DLC1: variants seen among roughly 807,000 people sequenced by gnomAD.
DLC1 encodes the protein DLC1 Rho GTPase activating protein.
A neutral mutation model predicts 140.3 loss-of-function variants in DLC1; 54 were observed. That is an observed-to-expected ratio of 0.38 (90% confidence interval 0.31 to 0.48). The LOEUF is 0.48. Among genes scored for constraint, DLC1 ranks in the 20% least tolerant of loss-of-function variants. DLC1 has a pLI of 0.96. For missense variants in DLC1, 2,536 were observed against 1,907.0 expected, an observed-to-expected ratio of 1.33 and a Z score of -6.14; for synonymous variants, 986 against 728.1, an observed-to-expected ratio of 1.35 and a Z score of -5.70.
intron 5 of DLC1, among the ~76,000 whole-genome samples, chr8:13,221,763 AATATTAAT>A (rs1344165886): frequency 6.9e-6 from 1 of 144,280 alleles, no homozygotes; most frequent in African/African-American, 2.5e-5. Flanking sequence ...CATTATATAT[AATATTAAT>A]ATATTAATAT....
chr8:13,518,595 G>GT (rs1218167625), upstream of DLC1, among the ~76,000 whole-genome samples: 1 of 152,104 alleles, frequency 6.6e-6, no homozygotes, highest in Non-Finnish European at 1.5e-5. Flanking sequence ...TGAAAATAGT[G>GT]TTTTACTCTT....
intron 7 of DLC1, among the ~76,000 whole-genome samples, chr8:13,107,611 G>A (rs941468673): frequency 2.0e-5 from 3 of 152,196 alleles, no homozygotes; most frequent in African/African-American, 7.2e-5. Flanking sequence ...CTGGAGCTTC[G>A]TTATTTGCTG....
chr8:13,475,049 G>T lies in DLC1; in HGVS notation c.1023+24000C>A, dbSNP rs905383181. 2.2e-4 allele frequency among the ~76,000 whole-genome samples: 34 copies of T among 151,912 alleles called. 1 individual carries two copies. The highest frequency in any genetic ancestry group is 8.0e-4 in the African/African-American group (33 of 41,214). The stretch of plus-strand genomic sequence containing the variant: ...GCTGGTCTTGAACTCCTGGACTCAA[G>T]TGATCCATCCACTTCAGCCTCCCTA... On this transcript the variant is annotated intron_variant, in intron 2 of 17. Transcript: ENST00000276297.
chr8:13,535,445 C>G (rs1162930571), intron 1 of DLC1, among the ~76,000 whole-genome samples: 3 of 152,008 alleles, frequency 2.0e-5, no homozygotes, highest in Non-Finnish European at 4.4e-5. Context: ...CCTGCTCTAC[C>G]TTGTTTACTG....
intron 2 of DLC1, among the ~76,000 whole-genome samples, chr8:13,469,612 G>A (rs932869671): frequency 6.6e-6 from 1 of 152,150 alleles, no homozygotes; most frequent in African/African-American, 2.4e-5. Context: ...TGATAGATAT[G>A]TTGTATAATT....
chr8:13,212,514 G>A (rs1055519784), intron 5 of DLC1, among the ~76,000 whole-genome samples: 1 of 151,966 alleles, frequency 6.6e-6, no homozygotes, highest in Non-Finnish European at 1.5e-5. Flanking sequence ...TTTTCTGCTT[G>A]TCCTGGTTTA....
At chr8:13,269,128 C>T (rs1396063775) in intron 5 of DLC1, among the ~76,000 whole-genome samples, 1 of 152,126 alleles carries the variant, frequency 6.6e-6, no homozygotes, top group African/African-American at 2.4e-5. Flanking sequence ...CCGCCTCAGC[C>T]TTCCAAAGTG....
At chr8:13,356,917 G>A (rs976419008) in intron 4 of DLC1, among the ~76,000 whole-genome samples, 1 of 151,558 alleles carries the variant, frequency 6.6e-6, no homozygotes, top group African/African-American at 2.4e-5. Flanking sequence ...TAGTGTTAGG[G>A]TTGCAGAAAG....
At chr8:13,381,868 A>T (rs1040720513) in intron 4 of DLC1, among the ~76,000 whole-genome samples, 1 of 152,184 alleles carries the variant, frequency 6.6e-6, no homozygotes, top group African/African-American at 2.4e-5. Context: ...TTAGGGCACC[A>T]TAACAAAAAA....
intron 2 of DLC1, among the ~76,000 whole-genome samples, chr8:13,446,602 C>T (rs1044330480): frequency 2.7e-5 from 4 of 148,498 alleles, no homozygotes; most frequent in Admixed American, 6.7e-5. Context: ...AAGGAAGGAA[C>T]GGAGGGAAGG....
At position 13,458,039 on chromosome 8, in the gene DLC1, C is replaced by A. The variant is rs556990009; in HGVS notation, c.1023+41010G>T. On this transcript the variant is annotated intron_variant, in intron 2 of 17. Coordinates refer to ENST00000276297, the MANE Select transcript of DLC1 (RefSeq NM_182643.3). ...GGACAGTAAATTAATAATTGAAAAA[C>A]TGAGAGTATGTGAAAATTAAAGGCT... 2.0e-5 allele frequency among the ~76,000 whole-genome samples: 3 copies of A among 152,094 alleles called. No individual in the cohort carries two copies. In the South Asian group the frequency reaches 6.2e-4, roughly 32 times the overall value.
chr8:13,292,144 A>G (rs750672795), intron 5 of DLC1, among the ~76,000 whole-genome samples: 15 of 152,106 alleles, frequency 9.9e-5, no homozygotes, highest in Non-Finnish European at 2.2e-4. Flanking sequence ...GGCTTCCATT[A>G]TAAATGGGAA....
intron 5 of DLC1, among the ~76,000 whole-genome samples, chr8:13,158,872 C>T (rs1026900216): frequency 3.3e-5 from 5 of 151,986 alleles, no homozygotes. Flanking sequence ...AATCCAGGGT[C>T]CCCTGGTACA....
At chr8:13,523,337 A>G (rs900958030) in intron 1 of DLC1, among the ~76,000 whole-genome samples, 33 of 152,180 alleles carry the variant, frequency 2.2e-4, no homozygotes, top group African/African-American at 7.2e-4. Flanking sequence ...AAAATGCTTT[A>G]TGAGCAACTG....
chr8:13,089,518 G>A (rs1157367470), intron 15 of DLC1, among the ~76,000 whole-genome samples: 4 of 151,602 alleles, frequency 2.6e-5, no homozygotes, highest in African/African-American at 4.8e-5. Flanking sequence ...CCAGCTACTC[G>A]GGAGGCTGAG....
Position 13,162,874 on chromosome 8 carries a change from C to T in DLC1, c.1349-47217G>A, listed in dbSNP as rs189096546. 4.6e-5 allele frequency among the ~76,000 whole-genome samples: 7 copies of T among 152,246 alleles called. No individual in the cohort carries two copies. In the East Asian group the frequency reaches 5.8e-4, roughly 13 times the overall value. On this transcript the variant is annotated intron_variant, in intron 5 of 17. Coordinates refer to ENST00000276297, the MANE Select transcript of DLC1 (RefSeq NM_182643.3). ...TCTTGAGCCCAGGAGTATGAGGCTGCAGGATCACACCACTACATTCCAGTC... is the reference window on the plus strand; with the variant it reads ...TCTTGAGCCCAGGAGTATGAGGCTGTAGGATCACACCACTACATTCCAGTC...
exon 1 of DLC1, chr8:13,604,544 A>C (rs998486003): frequency 4.6e-5 from 7 of 152,228 alleles, no homozygotes; most frequent in African/African-American, 7.2e-5. Context: ...TACCTGGTTA[A>C]TCACATGTGT....
chr8:13,158,983 C>T (rs1824482474), intron 5 of DLC1, among the ~76,000 whole-genome samples: 1 of 152,046 alleles, frequency 6.6e-6, no homozygotes, highest in South Asian at 2.1e-4. Flanking sequence ...CTCTGGGAAC[C>T]AGCGCTGTAT....
intron 2 of DLC1, among the ~76,000 whole-genome samples, chr8:13,426,326 C>A (rs1006449909): frequency 6.6e-6 from 1 of 152,098 alleles, no homozygotes; most frequent in Non-Finnish European, 1.5e-5. Flanking sequence ...ATTTTCTAAG[C>A]CTTAATAGTA....
Sources: allele counts gnomAD v4.1 joint callset (sites outside exome capture counted in the v4.1 genomes callset), GRCh38; gene constraint gnomAD v4.1.1; transcripts MANE v1.5; gene names NCBI Gene and HGNC (gene_info 2026-07-23, HGNC 2026-07-21).